CYLC2: variants seen among roughly 807,000 people sequenced by gnomAD.
The protein encoded by CYLC2 is cylicin-2.
Under a neutral mutation model 26.1 loss-of-function variants are expected in CYLC2, and 30 were observed. That is an observed-to-expected ratio of 1.15 (90% CI 0.86 to 1.56). CYLC2 has a LOEUF of 1.56. Ranked by LOEUF, CYLC2 falls within the 40% of genes most tolerant of loss-of-function variation. The probability of loss-of-function intolerance (pLI) is 0.00; values close to 1 mark genes in which losing one functional copy is unlikely to be tolerated. For missense variants in CYLC2, 498 were observed against 394.4 expected, an observed-to-expected ratio of 1.26 and a Z score of -2.23; for synonymous variants, 158 against 132.8, an observed-to-expected ratio of 1.19 and a Z score of -1.31.
chr9:103,008,069 T>G (rs544306633), intron 5 of CYLC2, among the ~76,000 whole-genome samples: 16 of 151,498 alleles, frequency 1.1e-4, no homozygotes, highest in Non-Finnish European at 2.4e-4. Context: ...ATAGTAAAAT[T>G]ATGTGTTGAG....
intron 7 of CYLC2, 54 bp from the exon 8 acceptor site, chr9:103,018,271 G>A (rs1231384282): frequency 6.6e-6 from 1 of 151,934 alleles, no homozygotes. Context: ...CTTTACCACT[G>A]CTTCTGGGAG....
chr9:103,015,273 TTA>T (rs1829487121), intron 6 of CYLC2, among the ~76,000 whole-genome samples: 1 of 115,558 alleles, frequency 8.7e-6, no homozygotes, highest in African/African-American at 3.0e-5. Flanking sequence ...ATACATATAT[TTA>T]TATATTATAT....
At chr9:103,016,331 G>A (rs1009343782) in intron 6 of CYLC2, among the ~76,000 whole-genome samples, 2 of 151,978 alleles carry the variant, frequency 1.3e-5, no homozygotes, top group Non-Finnish European at 2.9e-5. Flanking sequence ...TGGCCACAGA[G>A]GTTCAGCACA....
At chr9:103,006,442 C>G (rs1371752546) in intron 5 of CYLC2, 64 bp downstream of exon 5, 1 of 150,006 alleles carries the variant, frequency 6.7e-6, no homozygotes, top group Non-Finnish European at 1.5e-5. Context: ...GAGATGGAGT[C>G]TCTCTCTGTC....
At position 102,998,458 on chromosome 9, in the gene CYLC2, A is replaced by G. The variant is rs141747819; in HGVS notation, c.17+3061A>G. 5.0e-3 allele frequency among the ~76,000 whole-genome samples: 764 copies of G among 152,046 alleles called. 5 individuals are homozygous for G. Among genetic ancestry groups the G allele is most frequent in the African/African-American group, 0.017 (722 of 41,528 alleles). The stretch of plus-strand genomic sequence containing the variant: ...TGAATGCAAATGCACCCTGACCTAG[A>G]TAATTACTTGACTGTACCAGAGAGG... On this transcript the variant is annotated intron_variant, in intron 1 of 7. Coordinates refer to ENST00000374798, the MANE Select transcript of CYLC2 (RefSeq NM_001340.5).
In CYLC2 at chr9:103,016,871, C is replaced by G. The variant is rs1044669436; in HGVS notation, c.*817-17C>G. 1 of 151,856 alleles carries G rather than the reference C, an allele frequency of 6.6e-6. No homozygotes were observed. The highest frequency in any genetic ancestry group is 1.9e-4 in the East Asian group (1 of 5,170). The allele number at this position is 151,856 out of a possible 1,614,324, so 9.4% of individuals were successfully genotyped here. ...ATAATTCATCTACATAAGAGATAAA[C>G]TTTTTGTTTTTGAAAGGGAAGGAAA... On this transcript the variant is annotated splice_polypyrimidine_tract_variant and intron_variant, in intron 6 of 7. Coordinates refer to ENST00000374798, the MANE Select transcript of CYLC2 (RefSeq NM_001340.5).
intron 5 of CYLC2, among the ~76,000 whole-genome samples, chr9:103,010,070 C>A (rs1829391655): frequency 6.6e-6 from 1 of 151,368 alleles, no homozygotes; most frequent in Non-Finnish European, 1.5e-5. Flanking sequence ...TTGATGGCAT[C>A]AAAATATGCA....
chr9:103,015,053 A>G (rs1289629689), intron 6 of CYLC2, among the ~76,000 whole-genome samples: 2 of 120,014 alleles, frequency 1.7e-5, no homozygotes, highest in African/African-American at 3.0e-5. Context: ...TAATTTGTAT[A>G]TTATGTAGTA....
Position 103,005,700 on chromosome 9 carries a change from C to G in CYLC2, c.*22C>G. The stretch of plus-strand genomic sequence containing the variant: ...GTAGGCCTTGGATAAGAATTTGAAC[C>G]GAAAGAATAATTCAAAAGCATATTT... On this transcript the variant is annotated 3_prime_UTR_variant, in exon 5 of 8. Transcript: ENST00000374798. The G allele has an allele frequency of 6.3e-7, 1 of 1,578,278 alleles. No individual in the cohort carries two copies. The highest frequency in any genetic ancestry group is 1.4e-5 in the African/African-American group (1 of 73,000).
In CYLC2 at chr9:103,005,812, G is replaced by T; in HGVS notation, c.*134G>T. ...TAAATAATTTTTAAAAGGTGGTAAA[G>T]AAGGATACAAAGGAGAACTCAGCAG... is the stretch of plus-strand genomic sequence containing the variant. On this transcript the variant is annotated 3_prime_UTR_variant, in exon 5 of 8. Coordinates refer to ENST00000374798, the MANE Select transcript of CYLC2 (RefSeq NM_001340.5). The T allele has an allele frequency of 9.9e-7, 1 of 1,014,650 alleles. No homozygotes were observed. The highest frequency in any genetic ancestry group is 1.6e-5 in the African/African-American group (1 of 62,224). The allele number at this position is 1,014,650 out of a possible 1,614,324, so 62.9% of individuals were successfully genotyped here. A position where few individuals can be genotyped will look rare whatever the true frequency, so the allele number is the denominator to read the frequency against.
Position 103,003,196 on chromosome 9 carries a change from C to T in CYLC2, c.113C>T (p.Pro38Leu). 1.9e-6 allele frequency: 3 copies of T among 1,613,776 alleles called. No homozygotes were observed. The highest frequency in any genetic ancestry group is 2.5e-6 in the Non-Finnish European group (3 of 1,179,822). Residue 38 changes from proline to leucine, a missense_variant, in exon 3 of 8, where the codon CCC becomes CTC. Transcript: ENST00000374798. ...CAGCAACACTTTGCCCTGTTATTTC[C>T]CAAACCACAACGGCCAGGAACCAAA... Reference protein sequence around the residue: ...WNQQHFALLFPKPQRPGTKRR... With the variant: ...WNQQHFALLFLKPQRPGTKRR...
chr9:102,996,920 G>A (rs1829243568), intron 1 of CYLC2, among the ~76,000 whole-genome samples: 1 of 151,912 alleles, frequency 6.6e-6, no homozygotes, highest in South Asian at 2.1e-4. Flanking sequence ...TTATAATGTT[G>A]AATAGAACTA....
At chr9:103,013,828 A>C (rs866075326) in intron 6 of CYLC2, among the ~76,000 whole-genome samples, 11 of 112,034 alleles carry the variant, frequency 9.8e-5, no homozygotes, top group African/African-American at 3.7e-4. Flanking sequence ...TAATATGTAT[A>C]TAATATATAA....
chr9:103,013,818 T>C (rs1829449951), intron 6 of CYLC2, among the ~76,000 whole-genome samples: 1 of 112,100 alleles, frequency 8.9e-6, no homozygotes, highest in African/African-American at 3.7e-5. Context: ...ATTATGTATA[T>C]AATATGTATA....
intron 6 of CYLC2, among the ~76,000 whole-genome samples, chr9:103,012,654 C>CT (rs1829419814): frequency 6.6e-6 from 1 of 151,786 alleles, no homozygotes; most frequent in African/African-American, 2.4e-5. Context: ...GTGATAATAT[C>CT]TAAATAATAA....
rs61123272 is a variant in CYLC2, at chr9:103,002,357, CTTTTTTT to C, written c.58+759_59-759del. 8.0e-4 allele frequency among the ~76,000 whole-genome samples: 62 copies of C among 77,644 alleles called. No homozygotes were observed. The South Asian group carries it at 8.1e-3, about 10-fold the overall frequency. The allele number at this position is 77,644 out of a possible 152,430, so 50.9% of individuals were successfully genotyped here. ...TTCTTGGGTGTATAGCATTTGCCCC[CTTTTTTT>C]TTTTTTTTTTTTTTTTTTTGAGACA... On this transcript the variant is annotated intron_variant, in intron 2 of 7. Coordinates refer to ENST00000374798, the MANE Select transcript of CYLC2 (RefSeq NM_001340.5).
rs1829468786 is a variant in CYLC2, at chr9:103,014,537, ATAT to A, written c.*817-2350_*817-2348del. ...ATACATAATATATGCAATATACATC[ATAT>A]GTATATTATGCAGTATACATCATAT... is the stretch of plus-strand genomic sequence containing the variant. On this transcript the variant is annotated intron_variant, in intron 6 of 7. Transcript: ENST00000374798. Among the ~76,000 whole-genome samples the A allele has an allele frequency of 1.4e-5, 2 of 138,366 alleles. 1 individual carries two copies. The highest frequency in any genetic ancestry group is 1.5e-4 in the Admixed American group (2 of 13,760). 90.8% of individuals were successfully genotyped at this position (138,366 alleles called of 152,430 possible). A position where few individuals can be genotyped will look rare whatever the true frequency, so the allele number is the denominator to read the frequency against.
At chr9:103,003,348 T>TAATTA (rs1829308220) in intron 3 of CYLC2, 85 bp downstream of exon 3, 1 of 1,186,204 alleles carries the variant, frequency 8.4e-7, no homozygotes, top group East Asian at 2.6e-5. Context: ...TTATAATTAG[T>TAATTA]CTTAAGTAAT....
chr9:103,013,783 A>C (rs1315444608), intron 6 of CYLC2, among the ~76,000 whole-genome samples: 1 of 106,536 alleles, frequency 9.4e-6, no homozygotes, highest in Non-Finnish European at 1.7e-5. Context: ...TATATATTAT[A>C]TGATTATATT....
Sources: allele counts gnomAD v4.1 joint callset (sites outside exome capture counted in the v4.1 genomes callset), GRCh38; gene constraint gnomAD v4.1.1; transcripts MANE v1.5; gene names NCBI Gene and HGNC (gene_info 2026-07-23, HGNC 2026-07-21).